The following POFUT3 variants were observed in gnomAD, a reference collection of about 807,000 sequenced individuals.
The protein encoded by POFUT3 is protein O-fucosyltransferase 3.
chr8:33,388,965 T>C, the POFUT3 span: 5 of 1,613,580 alleles, frequency 3.1e-6, no homozygotes, highest in Non-Finnish European at 4.2e-6. Flanking sequence ...TTGCTTACCT[T>C]TTCCTGAAGC....
the POFUT3 span, among the ~76,000 whole-genome samples, chr8:33,316,241 T>A: frequency 6.6e-6 from 1 of 152,076 alleles, no homozygotes; most frequent in Non-Finnish European, 1.5e-5. Flanking sequence ...CTGGTGAGAA[T>A]CCTGGGGTCA....
the POFUT3 span, among the ~76,000 whole-genome samples, chr8:33,428,928 G>A: frequency 6.6e-6 from 1 of 152,260 alleles, no homozygotes; most frequent in South Asian, 2.1e-4. Context: ...TTCTGTTACA[G>A]TAGCACAAAA....
the POFUT3 span, among the ~76,000 whole-genome samples, chr8:33,408,483 C>T: frequency 6.6e-6 from 1 of 152,056 alleles, no homozygotes; most frequent in Non-Finnish European, 1.5e-5. Flanking sequence ...GACAGTTAGT[C>T]ATTTCCTGGG....
chr8:33,333,368 C>T, the POFUT3 span, among the ~76,000 whole-genome samples: 1 of 152,076 alleles, frequency 6.6e-6, no homozygotes, highest in Non-Finnish European at 1.5e-5. Context: ...CTTGGTAGGA[C>T]CTTTGGATGA....
the POFUT3 span, among the ~76,000 whole-genome samples, chr8:33,397,533 G>A: frequency 3.3e-5 from 5 of 152,266 alleles, no homozygotes; most frequent in South Asian, 1.0e-3. Flanking sequence ...ACAGTTTAAG[G>A]CACTGCCCTT....
chr8:33,328,190 G>C, the POFUT3 span, among the ~76,000 whole-genome samples: 1 of 152,080 alleles, frequency 6.6e-6, no homozygotes, highest in South Asian at 2.1e-4. Context: ...CAGGCTGTCC[G>C]AGGAGGGGTG....
the POFUT3 span, among the ~76,000 whole-genome samples, chr8:33,418,626 T>A: frequency 1.3e-5 from 2 of 152,026 alleles, no homozygotes; most frequent in Non-Finnish European, 2.9e-5. Context: ...TTATACACTG[T>A]TGGTGGAAAT....
the POFUT3 span, among the ~76,000 whole-genome samples, chr8:33,393,505 G>A: frequency 1.6e-4 from 24 of 152,218 alleles, no homozygotes; most frequent in African/African-American, 4.8e-4. Flanking sequence ...AACAGCAGAG[G>A]AGCCTGAGAG....
chr8:33,455,649 G>A, the POFUT3 span: 2,146 of 330,898 alleles, frequency 6.5e-3, 52 homozygotes, highest in African/African-American at 0.043. Context: ...CAAATACAGC[G>A]TTAAAGCAGT....
the POFUT3 span, chr8:33,451,655 TATATAC>T: frequency 6.6e-6 from 1 of 151,902 alleles, no homozygotes; most frequent in Non-Finnish European, 1.5e-5. Flanking sequence ...TATGAACATA[TATATAC>T]ATATATGTAT....
the POFUT3 span, among the ~76,000 whole-genome samples, chr8:33,310,294 A>C: frequency 6.6e-6 from 1 of 152,190 alleles, no homozygotes. Flanking sequence ...GCTTTACAGA[A>C]AAAGCTCAAA....
At chr8:33,458,671 G>A in the POFUT3 span, among the ~76,000 whole-genome samples, 1 of 151,790 alleles carries the variant, frequency 6.6e-6, no homozygotes, top group Non-Finnish European at 1.5e-5. Flanking sequence ...AGCCCAGATC[G>A]CACCTTGCAC....
the POFUT3 span, among the ~76,000 whole-genome samples, chr8:33,347,340 T>C: frequency 3.9e-5 from 6 of 152,226 alleles, no homozygotes; most frequent in African/African-American, 1.4e-4. Flanking sequence ...TTTGTAGCTA[T>C]ATATTATGTC....
the POFUT3 span, among the ~76,000 whole-genome samples, chr8:33,348,721 G>A: frequency 6.6e-6 from 1 of 152,188 alleles, no homozygotes; most frequent in Non-Finnish European, 1.5e-5. Flanking sequence ...TCCTGGCAGA[G>A]GAAATAAAAC....
the POFUT3 span, among the ~76,000 whole-genome samples, chr8:33,358,249 T>C: frequency 6.6e-6 from 1 of 152,104 alleles, no homozygotes; most frequent in Non-Finnish European, 1.5e-5. Flanking sequence ...CAAAACCCTG[T>C]CTCAAAAATA....
At chr8:33,315,359 A>G in the POFUT3 span, among the ~76,000 whole-genome samples, 54 of 152,308 alleles carry the variant, frequency 3.5e-4, no homozygotes, top group African/African-American at 1.3e-3. Flanking sequence ...AAAATGCCCT[A>G]TACCCAAATT....
the POFUT3 span, chr8:33,389,489 C>T: frequency 3.1e-6 from 5 of 1,614,202 alleles, no homozygotes; most frequent in Non-Finnish European, 4.2e-6. Context: ...GCGAACATAG[C>T]TGTCCCTGTC....
the POFUT3 span, among the ~76,000 whole-genome samples, chr8:33,466,180 A>G: frequency 1.2e-4 from 18 of 152,006 alleles, no homozygotes; most frequent in African/African-American, 3.9e-4. Flanking sequence ...GTTCTGGGAG[A>G]CTGAGGCAGG....
chr8:33,412,962 G>T, the POFUT3 span, among the ~76,000 whole-genome samples: 2 of 152,036 alleles, frequency 1.3e-5, no homozygotes, highest in Non-Finnish European at 2.9e-5. Flanking sequence ...GGGCACCAAG[G>T]CATTGCAGTA....
Sources: allele counts gnomAD v4.1 joint callset (sites outside exome capture counted in the v4.1 genomes callset), GRCh38; gene constraint gnomAD v4.1.1; transcripts MANE v1.5; gene names NCBI Gene and HGNC (gene_info 2026-07-23, HGNC 2026-07-21).